CNOT4: variants seen among roughly 807,000 people sequenced by gnomAD.
The protein encoded by CNOT4 is CCR4-NOT transcription complex subunit 4.
In CNOT4, 8 loss-of-function variants were observed where a neutral mutation model predicts 73.8. That is an observed-to-expected ratio of 0.11 (90% confidence interval 0.06 to 0.20). The LOEUF is 0.20. Ranked by LOEUF, CNOT4 falls within the 10% of genes least tolerant of loss-of-function variation. The probability of loss-of-function intolerance (pLI) is 1.00; values close to 1 mark genes in which losing one functional copy is unlikely to be tolerated. For missense variants in CNOT4, 564 were observed against 883.4 expected (o/e 0.64, Z 4.58); for synonymous variants, 293 against 321.1 (o/e 0.91, Z 0.94).
chr7:135,479,915 A>G lies in CNOT4; in HGVS notation c.-93+29974T>C, dbSNP rs1802257807. ...AAAAAAACAAAACAAAACAAAAAGAATTTGAGAGTTTATGTATTTTATAAT... is the reference window on the plus strand; with the variant it reads ...AAAAAAACAAAACAAAACAAAAAGAGTTTGAGAGTTTATGTATTTTATAAT... On this transcript the variant is annotated intron_variant, in intron 1 of 11. Transcript: ENST00000541284. Among the ~76,000 whole-genome samples the G allele has an allele frequency of 2.6e-5, 4 of 152,256 alleles. No individual in the cohort carries two copies. In the South Asian group the frequency reaches 8.3e-4, roughly 32 times the overall value.
chr7:135,364,089 A>G lies in CNOT4; in HGVS notation c.1628-23T>C, dbSNP rs1474726172. On this transcript the variant is annotated intron_variant, in intron 10 of 11. Transcript: ENST00000541284. This position sits in a 1 kb window ranked among gnomAD's most constrained non-coding sequence, Gnocchi z 4.3. ...TGTCTGGGAGATTTACCAACAAAAA[A>G]ATGAAAGATAAAAAAAAATAAAAAG... 1 of 1,508,004 alleles carries G rather than the reference A, an allele frequency of 6.6e-7. No individual in the cohort carries two copies. Among genetic ancestry groups the G allele is most frequent in the Non-Finnish European group, 9.0e-7 (1 of 1,114,720 alleles). The allele number at this position is 1,508,004 out of a possible 1,614,324, so 93.4% of individuals were successfully genotyped here. A position where few individuals can be genotyped will look rare whatever the true frequency, so the allele number is the denominator to read the frequency against.
At chr7:135,392,377 T>C (rs574081173) in intron 10 of CNOT4, among the ~76,000 whole-genome samples, 258 of 152,286 alleles carry the variant, frequency 1.7e-3, no homozygotes, top group Non-Finnish European at 3.0e-3. Context: ...ATTGGTCTAA[T>C]CTTTAAATGT....
In CNOT4 at chr7:135,438,255, A is replaced by G; in HGVS notation, c.77T>C (p.Ile26Thr). Residue 26 changes from isoleucine to threonine, a missense_variant, in exon 2 of 12, where the codon ATC (isoleucine) becomes ACC (threonine). By Grantham distance (89) the Ile-to-Thr change is moderately conservative (BLOSUM62 -1). This residue lies in a region of CNOT4 where 76 missense variants were observed against 208.7 expected (regional missense o/e 0.36). Transcript: ENST00000541284. ...GCCACAGGTGCAAGGGAAAAAGTTG[A>G]TATCATCTATCTCCAAGGGCTCCAT... Reference protein sequence around the residue: ...LCMEPLEIDDINFFPCTCGYQ... With the variant: ...LCMEPLEIDDTNFFPCTCGYQ... 1 of 1,613,722 alleles carries G rather than the reference A, an allele frequency of 6.2e-7. No individual in the cohort carries two copies.
chr7:135,451,482 T>G (rs1199807502), intron 1 of CNOT4, among the ~76,000 whole-genome samples: 1 of 152,010 alleles, frequency 6.6e-6, no homozygotes, highest in Non-Finnish European at 1.5e-5. Context: ...TTAGTAGAAA[T>G]GGGGTTTCAT....
intron 1 of CNOT4, among the ~76,000 whole-genome samples, chr7:135,459,734 T>C (rs936110704): frequency 6.6e-6 from 1 of 152,202 alleles, no homozygotes; most frequent in Non-Finnish European, 1.5e-5. Flanking sequence ...TGACTGCAAC[T>C]TGAAGTCTCC....
intron 1 of CNOT4, among the ~76,000 whole-genome samples, chr7:135,478,244 T>C (rs1342264863): frequency 6.6e-6 from 1 of 152,202 alleles, no homozygotes; most frequent in African/African-American, 2.4e-5. Flanking sequence ...TTAATTTTTA[T>C]AGCAATTAAG....
chr7:135,488,098 T>G (rs1473694708), intron 1 of CNOT4, among the ~76,000 whole-genome samples: 1 of 151,874 alleles, frequency 6.6e-6, no homozygotes. Context: ...AAAAAAGCAT[T>G]CTTTAAACTC....
chr7:135,379,501 A>G (rs954322246), intron 10 of CNOT4, among the ~76,000 whole-genome samples: 7 of 152,200 alleles, frequency 4.6e-5, no homozygotes, highest in African/African-American at 1.7e-4. Flanking sequence ...AAGGAAAAGG[A>G]AACATATCTG....
At chr7:135,414,514 T>A in intron 4 of CNOT4, 82 bp from the exon 5 acceptor site, 1 of 705,172 alleles carries the variant, frequency 1.4e-6, no homozygotes, top group Non-Finnish European at 2.6e-6. Flanking sequence ...CCTAGGGAAT[T>A]CTAAAGACCC....
At chr7:135,375,020 G>T (rs961438248) in intron 10 of CNOT4, among the ~76,000 whole-genome samples, 2 of 152,144 alleles carry the variant, frequency 1.3e-5, no homozygotes, top group East Asian at 1.9e-4. Context: ...GGCAAATCAC[G>T]AATGATAACC....
chr7:135,402,544 C>T (rs1390286891), intron 7 of CNOT4, among the ~76,000 whole-genome samples: 1 of 152,098 alleles, frequency 6.6e-6, no homozygotes, highest in African/African-American at 2.4e-5. Context: ...CAGACTCCAT[C>T]ATGAAAATTC....
Position 135,362,968 on chromosome 7 carries a change from G to A in CNOT4, c.2059C>T (p.Pro687Ser). ...CTGAAGGCTGTCTGAAAGCCTGGGG[G>A]TGGGGAGTGGAAGCTGGAAGGGTTT... is the stretch of plus-strand genomic sequence containing the variant. Reference protein sequence around the residue: ...PSNPSSFHSPPPGFQTAFRPP... With the variant: ...PSNPSSFHSPSPGFQTAFRPP... Residue 687 changes from proline to serine, a missense_variant, in exon 12 of 12, where the codon CCC becomes TCC. This residue lies in a region of CNOT4 where 88 missense variants were observed against 94.7 expected (regional missense o/e 0.93). Transcript: ENST00000541284. 1 of 1,613,216 alleles carries A rather than the reference G, an allele frequency of 6.2e-7. No homozygotes were observed. The highest frequency in any genetic ancestry group is 8.5e-7 in the Non-Finnish European group (1 of 1,179,474).
chr7:135,385,931 A>C (rs996477009), intron 10 of CNOT4, among the ~76,000 whole-genome samples: 2 of 152,204 alleles, frequency 1.3e-5, no homozygotes, highest in African/African-American at 4.8e-5. Flanking sequence ...TATTTAATTA[A>C]TGCTTTGTTG....
At chr7:135,371,639 T>G (rs1795207479) in intron 10 of CNOT4, among the ~76,000 whole-genome samples, 2 of 152,148 alleles carry the variant, frequency 1.3e-5, no homozygotes, top group South Asian at 4.1e-4. Context: ...TAAATCTGTT[T>G]TGAAGGAGAA....
At chr7:135,458,695 C>T (rs761336851) in intron 1 of CNOT4, among the ~76,000 whole-genome samples, 1 of 152,102 alleles carries the variant, frequency 6.6e-6, no homozygotes, top group African/African-American at 2.4e-5. Context: ...ACTTTCTTTG[C>T]TCATTCTTAT....
Position 135,364,159 on chromosome 7 carries a change from A to C in CNOT4, c.1628-93T>G. On this transcript the variant is annotated intron_variant, in intron 10 of 11. Coordinates refer to ENST00000541284, the MANE Select transcript of CNOT4 (RefSeq NM_001190850.2). The surrounding 1 kb of genome is among the most constrained non-coding windows in gnomAD (Gnocchi z 4.3). The stretch of plus-strand genomic sequence containing the variant: ...TGTTCTTTAGTGGTTAAGCGGGAGA[A>C]GAATTATTCTTTCTTTATTGAGCAT... 1 of 939,648 alleles carries C rather than the reference A, an allele frequency of 1.1e-6. No homozygotes were observed. The highest frequency in any genetic ancestry group is 1.6e-5 in the African/African-American group (1 of 60,956). The allele number at this position is 939,648 out of a possible 1,614,324, so 58.2% of individuals were successfully genotyped here.
In CNOT4 at chr7:135,364,886, T is replaced by A. The variant is rs545134533; in HGVS notation, c.1628-820A>T. Among the ~76,000 whole-genome samples, 2 of 152,242 alleles carry A rather than the reference T, an allele frequency of 1.3e-5. No individual in the cohort carries two copies. The highest frequency in any genetic ancestry group is 2.9e-5 in the Non-Finnish European group (2 of 68,036). ...GATCTACTACCATCCAGAATCCACA[T>A]AGTATAACTAACTGGTCAGGGGGAA... On this transcript the variant is annotated intron_variant, in intron 10 of 11. Coordinates refer to ENST00000541284, the MANE Select transcript of CNOT4 (RefSeq NM_001190850.2). The surrounding 1 kb of genome is among the most constrained non-coding windows in gnomAD (Gnocchi z 4.3).
chr7:135,394,477 T>C lies in CNOT4; in HGVS notation c.1130-62A>G, dbSNP rs188536399. ...ATAGCTCATTTTCATACTTAATAAG[T>C]ATCCATGCTACTGAAAGTTAAACAT... On this transcript the variant is annotated intron_variant, in intron 9 of 11. Transcript: ENST00000541284. 1.8e-5 allele frequency: 24 copies of C among 1,321,876 alleles called. No individual in the cohort carries two copies. The East Asian group carries it at 5.6e-4, about 31-fold the overall frequency. 81.9% of individuals were successfully genotyped at this position (1,321,876 alleles called of 1,614,324 possible).
At chr7:135,498,403 T>C (rs903982312) in intron 1 of CNOT4, among the ~76,000 whole-genome samples, 3 of 152,140 alleles carry the variant, frequency 2.0e-5, no homozygotes, top group African/African-American at 4.8e-5. Context: ...AAGCTGAAAA[T>C]ACTTGCTAGG....
Sources: allele counts gnomAD v4.1 joint callset (sites outside exome capture counted in the v4.1 genomes callset), GRCh38; gene constraint gnomAD v4.1.1; regional missense constraint gnomAD v4.1.1; non-coding constraint Gnocchi (gnomAD v3.1); transcripts MANE v1.5; gene names NCBI Gene and HGNC (gene_info 2026-07-23, HGNC 2026-07-21).